Variants in MACROD1 observed in about 807,000 individuals in gnomAD.
MACROD1 encodes ADP-ribose glycohydrolase MACROD1.
MACROD1 carries 31 observed loss-of-function variants against 41.4 expected under a neutral mutation model. The ratio of observed to expected loss-of-function variants is 0.75; its 90% confidence interval spans 0.56 to 1.01. The LOEUF (loss-of-function observed/expected upper bound fraction) is 1.01. Ranked by LOEUF, MACROD1 falls within the 50% of genes least tolerant of loss-of-function variation. The probability of loss-of-function intolerance (pLI) is 0.00; values close to 1 mark genes in which losing one functional copy is unlikely to be tolerated. For missense variants in MACROD1, 473 were observed against 460.0 expected, an observed-to-expected ratio of 1.03 and a Z score of -0.26; for synonymous variants, 252 against 203.4, an observed-to-expected ratio of 1.24 and a Z score of -2.03.
chr11:64,121,591 TC>T (rs764090491), intron 3 of MACROD1, among the ~76,000 whole-genome samples: 6 of 152,114 alleles, frequency 3.9e-5, no homozygotes, highest in Non-Finnish European at 8.8e-5. Flanking sequence ...GCCCAGCTCC[TC>T]CCAGCTGGTC....
Position 64,165,760 on chromosome 11 carries a change from C to A in MACROD1, c.235G>T (p.Ala79Ser). The A allele has an allele frequency of 6.7e-7, 1 of 1,499,012 alleles. No individual in the cohort carries two copies. The highest frequency in any genetic ancestry group is 8.9e-7 in the Non-Finnish European group (1 of 1,129,524). 92.9% of individuals were successfully genotyped at this position (1,499,012 alleles called of 1,614,324 possible). The change falls in exon 1 of 11, where the codon GCC (alanine) becomes TCC (serine). Residue 79 changes from alanine to serine, a missense_variant. By Grantham distance (99) the Ala-to-Ser change is moderately conservative. Coordinates refer to ENST00000255681, the MANE Select transcript of MACROD1 (RefSeq NM_014067.4). ...ACCTTCGCCGCCATGGCCAGGGGGG[C>A]CCAAGTGCGCACCCCGGCTGTCCGC... ...VGRTAGVRTW[A>S]PLAMAAKVDL...
chr11:64,058,359 A>C (rs1943830982), intron 3 of MACROD1, among the ~76,000 whole-genome samples: 1 of 152,236 alleles, frequency 6.6e-6, no homozygotes, highest in Non-Finnish European at 1.5e-5. Context: ...GAGGCAGCCC[A>C]GGCAGGGCTT....
chr11:64,073,005 C>T (rs1944137009), intron 3 of MACROD1, among the ~76,000 whole-genome samples: 2 of 152,148 alleles, frequency 1.3e-5, no homozygotes, highest in African/African-American at 4.8e-5. Context: ...AGAGAGGGGT[C>T]GGGACCCACC....
chr11:64,029,455 T>C (rs1302231265), intron 3 of MACROD1, among the ~76,000 whole-genome samples: 1 of 152,120 alleles, frequency 6.6e-6, no homozygotes, highest in Non-Finnish European at 1.5e-5. Context: ...CCCCGTCCCC[T>C]GGCTCCCTGA....
intron 3 of MACROD1, among the ~76,000 whole-genome samples, chr11:64,050,119 C>T (rs1943664648): frequency 1.3e-5 from 2 of 152,186 alleles, no homozygotes; most frequent in Admixed American, 6.5e-5. Flanking sequence ...GGTCCTTATG[C>T]CCCACAGGGA....
At chr11:64,113,603 GTGGATGGATGGATGGATGGATGGATGGA>G (rs138402349) in intron 3 of MACROD1, among the ~76,000 whole-genome samples, 2 of 117,456 alleles carry the variant, frequency 1.7e-5, no homozygotes, top group African/African-American at 3.4e-5. Context: ...GGATGGTTAG[GTGGATGGATGGATGGATGGATGGATGGA>G]TGGATGGATG....
chr11:64,111,038 C>T (rs12577573), intron 3 of MACROD1, among the ~76,000 whole-genome samples: 2,895 of 152,292 alleles, frequency 0.019, 201 homozygotes, highest in Admixed American at 0.14. Flanking sequence ...GTCCCTGCCT[C>T]CCAAATGCTT....
In MACROD1 at chr11:64,165,973, A is replaced by C. The variant is rs899008449; in HGVS notation, c.22T>G (p.Ser8Ala). Residue 8 changes from serine (S) to alanine (A), a missense_variant, in exon 1 of 11, where the codon TCC becomes GCC. Ser to Ala is a moderately conservative substitution (Grantham distance 99). Coordinates refer to ENST00000255681, the MANE Select transcript of MACROD1 (RefSeq NM_014067.4). MSLQSRL[S>A]GRLAQLRAAG... ...GCGCGCAGCTGTGCCAGGCGGCCGG[A>C]CAGTCGGCTCTGTAGAGACATGAGC... is the stretch of plus-strand genomic sequence containing the variant. 5.4e-6 allele frequency: 7 copies of C among 1,294,648 alleles called. No homozygotes were observed. The African/African-American group carries it at 7.7e-5, about 14-fold the overall frequency. The allele number at this position is 1,294,648 out of a possible 1,614,324, so 80.2% of individuals were successfully genotyped here.
chr11:64,071,131 T>C (rs1944101126), intron 3 of MACROD1, among the ~76,000 whole-genome samples: 1 of 152,174 alleles, frequency 6.6e-6, no homozygotes, highest in Non-Finnish European at 1.5e-5. Context: ...GTCAAAATTC[T>C]ACTCATCCTT....
chr11:64,002,955 G>A (rs371274652), intron 4 of MACROD1, among the ~76,000 whole-genome samples: 39 of 152,242 alleles, frequency 2.6e-4, no homozygotes, highest in African/African-American at 8.2e-4. Context: ...CCAACCCTTA[G>A]TCTCCTCTCC....
At chr11:64,106,196 C>A (rs1262441060) in intron 3 of MACROD1, among the ~76,000 whole-genome samples, 1 of 152,076 alleles carries the variant, frequency 6.6e-6, no homozygotes, top group African/African-American at 2.4e-5. Context: ...GAGTCTGAGG[C>A]CTGGGTTTGT....
chr11:64,088,157 T>C (rs1395811210), intron 3 of MACROD1, among the ~76,000 whole-genome samples: 1 of 152,154 alleles, frequency 6.6e-6, no homozygotes, highest in Non-Finnish European at 1.5e-5. Flanking sequence ...AAAAATAAAG[T>C]TGAACCCCGC....
intron 3 of MACROD1, among the ~76,000 whole-genome samples, chr11:64,150,906 G>A (rs1271164049): frequency 6.6e-6 from 1 of 152,224 alleles, no homozygotes; most frequent in Admixed American, 6.5e-5. Flanking sequence ...GCAGGTGCTG[G>A]TTGGGGCTTC....
At position 64,105,625 on chromosome 11, in the gene MACROD1, A is replaced by ATGAGTGACCCCACAGGCG. The variant is rs1334257163; in HGVS notation, c.517+45596_517+45613dup. Among the ~76,000 whole-genome samples the ATGAGTGACCCCACAGGCG allele has an allele frequency of 2.0e-5, 3 of 152,104 alleles. No individual in the cohort carries two copies. The South Asian group carries it at 6.2e-4, about 32-fold the overall frequency. ...TGCTAAGAGGCGTGACCCCACAGGC[A>ATGAGTGACCCCACAGGCG]TGAGTGACCCCACAGGCGTGAGTGA... is the stretch of plus-strand genomic sequence containing the variant. On this transcript the variant is annotated intron_variant, in intron 3 of 10. Coordinates refer to ENST00000255681, the MANE Select transcript of MACROD1 (RefSeq NM_014067.4).
intron 3 of MACROD1, among the ~76,000 whole-genome samples, chr11:64,040,757 T>A (rs1175779667): frequency 6.6e-6 from 1 of 152,068 alleles, no homozygotes; most frequent in South Asian, 2.1e-4. Context: ...ATGTTCCCGG[T>A]GCAGGGAAGT....
At chr11:64,065,328 C>A (rs994162237) in intron 3 of MACROD1, among the ~76,000 whole-genome samples, 2 of 152,194 alleles carry the variant, frequency 1.3e-5, no homozygotes, top group Non-Finnish European at 2.9e-5. Context: ...GGAGGCCAGG[C>A]TTTGTTCTGA....
At chr11:64,108,095 C>A (rs1057205636) in intron 3 of MACROD1, among the ~76,000 whole-genome samples, 3 of 152,094 alleles carry the variant, frequency 2.0e-5, no homozygotes, top group Admixed American at 6.5e-5. Context: ...GGGCAGATCA[C>A]CTGAGGTCAG....
intron 3 of MACROD1, among the ~76,000 whole-genome samples, chr11:64,129,634 G>A (rs561171713): frequency 6.6e-6 from 1 of 152,290 alleles, no homozygotes; most frequent in Admixed American, 6.5e-5. Context: ...TTGGACCCAG[G>A]CAGCAAAGTG....
At chr11:64,040,491 A>G (rs1943464189) in intron 3 of MACROD1, among the ~76,000 whole-genome samples, 1 of 152,150 alleles carries the variant, frequency 6.6e-6, no homozygotes, top group Non-Finnish European at 1.5e-5. Context: ...CAGCTCTCTC[A>G]GGATTCCTGG....
Sources: gnomAD v4.1 joint callset for allele counts (sites outside exome capture counted in the v4.1 genomes callset) on GRCh38, gnomAD v4.1.1 for gene constraint, MANE v1.5 for transcripts, NCBI Gene and HGNC (gene_info 2026-07-23, HGNC 2026-07-21) for gene names.